Variants in CRIM1 observed in about 807,000 individuals in gnomAD.
The protein encoded by CRIM1 is cysteine-rich motor neuron 1 protein.
In CRIM1, 32 loss-of-function variants were observed where a neutral mutation model predicts 116.4. That is an observed-to-expected ratio of 0.27 (90% confidence interval 0.21 to 0.37). The LOEUF (loss-of-function observed/expected upper bound fraction) is 0.37, where lower values mean the gene tolerates loss of function less well. Ranked by LOEUF, CRIM1 falls within the 10% of genes least tolerant of loss-of-function variation. CRIM1 has a pLI of 1.00. For synonymous variants in CRIM1, 590 were observed against 509.2 expected, an observed-to-expected ratio of 1.16 and a Z score of -2.13; for missense variants, 1,331 against 1,354.8, an observed-to-expected ratio of 0.98 and a Z score of 0.28.
rs763478794 is a variant in CRIM1 at position 36,441,394 on chromosome 2, C to G, written c.642C>G (p.Pro214=). The change falls in exon 3 of 17, where the codon CCC becomes CCG. Residue 214 remains proline (P), a synonymous_variant. Transcript: ENST00000280527. The stretch of plus-strand genomic sequence containing the variant: ...TACCCAGCCGCTGCGTGTGCAACCC[C>G]GCAGGCTGTCTGCGCAAAGTCTGCC... The part of the protein sequence containing the change: ...CPLPSRCVCN[P]AGCLRKVCQP... 1 of 1,614,210 alleles carries G rather than the reference C, an allele frequency of 6.2e-7. No individual in the cohort carries two copies. The highest frequency in any genetic ancestry group is 1.1e-5 in the South Asian group (1 of 91,082).
chr2:36,430,788 T>C (rs1674827321), intron 2 of CRIM1, among the ~76,000 whole-genome samples: 1 of 152,132 alleles, frequency 6.6e-6, no homozygotes, highest in African/African-American at 2.4e-5. Context: ...GGGAGAGCCT[T>C]TATGGTATGG....
intron 1 of CRIM1, among the ~76,000 whole-genome samples, chr2:36,359,723 T>C (rs1669097585): frequency 6.6e-6 from 1 of 152,234 alleles, no homozygotes; most frequent in African/African-American, 2.4e-5. Context: ...TAAATTCTAA[T>C]TGAATTATTC....
intron 14 of CRIM1, among the ~76,000 whole-genome samples, chr2:36,543,701 T>TAAAAAAGACC (rs1558421960): frequency 7.7e-6 from 1 of 130,282 alleles, no homozygotes; most frequent in African/African-American, 3.2e-5. Flanking sequence ...TTTTTTTTTT[T>TAAAAAAGACC]TAAAAAGACC....
intron 4 of CRIM1, among the ~76,000 whole-genome samples, chr2:36,443,753 G>A (rs1038720192): frequency 3.3e-5 from 5 of 152,326 alleles, no homozygotes; most frequent in African/African-American, 1.2e-4. Context: ...CGTAATTGAA[G>A]AGACATCCAG....
At chr2:36,522,335 TC>T in intron 13 of CRIM1, 22 bp downstream of exon 13, 1 of 1,523,532 alleles carries the variant, frequency 6.6e-7, no homozygotes, top group Non-Finnish European at 9.1e-7. Flanking sequence ...GAAAAAAAAA[TC>T]CCTCATCTCT....
intron 13 of CRIM1, among the ~76,000 whole-genome samples, chr2:36,534,487 AGGAAG>A (rs1446345216): frequency 3.1e-5 from 4 of 128,770 alleles, no homozygotes; most frequent in East Asian, 2.7e-4. Flanking sequence ...ATAGGCAGGA[AGGAAG>A]GGAAGGACAG....
intron 2 of CRIM1, among the ~76,000 whole-genome samples, chr2:36,411,682 G>GTGTGTA (rs1331607855): frequency 3.3e-5 from 5 of 151,892 alleles, no homozygotes; most frequent in Middle Eastern, 3.2e-3. Context: ...GTGTGTGTGT[G>GTGTGTA]TGTACAGTTA....
intron 1 of CRIM1, among the ~76,000 whole-genome samples, chr2:36,380,802 A>G (rs1254214001): frequency 6.6e-6 from 1 of 152,204 alleles, no homozygotes; most frequent in East Asian, 1.9e-4. Flanking sequence ...GTGGCATTGG[A>G]AGTTTCTTCA....
At chr2:36,492,109 T>C (rs1040933555) in intron 7 of CRIM1, among the ~76,000 whole-genome samples, 6 of 152,178 alleles carry the variant, frequency 3.9e-5, no homozygotes, top group African/African-American at 1.4e-4. Context: ...AATATTAATA[T>C]GTCTAACAGC....
At chr2:36,439,050 G>A (rs1675564577) in intron 2 of CRIM1, among the ~76,000 whole-genome samples, 1 of 152,218 alleles carries the variant, frequency 6.6e-6, no homozygotes, top group Non-Finnish European at 1.5e-5. Flanking sequence ...TTGGATATTG[G>A]CATGTGGGTG....
chr2:36,404,284 T>A (rs1572655516), intron 2 of CRIM1, among the ~76,000 whole-genome samples: 3 of 152,344 alleles, frequency 2.0e-5, no homozygotes, highest in East Asian at 3.9e-4. Context: ...GACTAATTTA[T>A]ACTCCCTTGT....
intron 1 of CRIM1, among the ~76,000 whole-genome samples, chr2:36,357,573 G>C (rs368642793): frequency 2.0e-5 from 3 of 152,156 alleles, no homozygotes; most frequent in East Asian, 3.9e-4. Context: ...CAGGGTGCCT[G>C]GTCTGGTTTG....
intron 13 of CRIM1, among the ~76,000 whole-genome samples, chr2:36,536,806 A>G (rs1472259119): frequency 1.3e-5 from 2 of 152,006 alleles, no homozygotes; most frequent in Non-Finnish European, 2.9e-5. Flanking sequence ...TTCTGGGGGA[A>G]AAAAATGGAT....
chr2:36,443,231 A>G (rs1675995715), intron 4 of CRIM1, among the ~76,000 whole-genome samples: 2 of 152,172 alleles, frequency 1.3e-5, no homozygotes, highest in African/African-American at 4.8e-5. Context: ...AATAACAAAC[A>G]CATCTCTCTT....
At position 36,424,843 on chromosome 2, in the gene CRIM1, A is replaced by G. The variant is rs1674331638; in HGVS notation, c.506-16415A>G. Among the ~76,000 whole-genome samples, 3 of 152,282 alleles carry G rather than the reference A, an allele frequency of 2.0e-5. No homozygotes were observed. The South Asian group carries it at 6.2e-4, about 32-fold the overall frequency. Reference sequence around the variant, plus strand: ...TTTACAAATTGTATGCATGTATTAAATTATCATATGTACCCACCCCCAAAA... The same window carrying G: ...TTTACAAATTGTATGCATGTATTAAGTTATCATATGTACCCACCCCCAAAA... On this transcript the variant is annotated intron_variant, in intron 2 of 16. Coordinates refer to ENST00000280527, the MANE Select transcript of CRIM1 (RefSeq NM_016441.3).
At chr2:36,486,755 C>CATCT (rs1679849547) in intron 7 of CRIM1, among the ~76,000 whole-genome samples, 1 of 152,156 alleles carries the variant, frequency 6.6e-6, no homozygotes, top group Admixed American at 6.5e-5. Context: ...TGCTAATTTT[C>CATCT]ATCTAATCAA....
chr2:36,364,660 C>T, intron 1 of CRIM1, among the ~76,000 whole-genome samples: 1 of 152,172 alleles, frequency 6.6e-6, no homozygotes, highest in East Asian at 1.9e-4. Context: ...GACAAACCTG[C>T]ATTGAAATCT....
chr2:36,483,091 T>A (rs964431615), intron 7 of CRIM1, among the ~76,000 whole-genome samples: 1 of 152,210 alleles, frequency 6.6e-6, no homozygotes, highest in African/African-American at 2.4e-5. Context: ...CCAATTCAGG[T>A]ATACAGATAA....
In CRIM1 at chr2:36,548,760, A is replaced by T; in HGVS notation, c.*59A>T. On this transcript the variant is annotated 3_prime_UTR_variant, in exon 17 of 17. Coordinates refer to ENST00000280527, the MANE Select transcript of CRIM1 (RefSeq NM_016441.3). The stretch of plus-strand genomic sequence containing the variant: ...GAAGACGACTAAATCTGCTCTAAAA[A>T]GTAAACTAGAATTTGTGCACTTGCT... 1.4e-6 allele frequency: 2 copies of T among 1,411,032 alleles called. No individual in the cohort carries two copies. Among genetic ancestry groups the T allele is most frequent in the Non-Finnish European group, 1.9e-6 (2 of 1,038,274 alleles). The allele number at this position is 1,411,032 out of a possible 1,614,324, so 87.4% of individuals were successfully genotyped here. A position where few individuals can be genotyped will look rare whatever the true frequency, so the allele number is the denominator to read the frequency against.
Sources: allele counts gnomAD v4.1 joint callset (sites outside exome capture counted in the v4.1 genomes callset), GRCh38; gene constraint gnomAD v4.1.1; transcripts MANE v1.5; gene names NCBI Gene and HGNC (gene_info 2026-07-23, HGNC 2026-07-21).